Variants in MRE11 observed in about 807,000 individuals in gnomAD.
The protein encoded by MRE11 is double-strand break repair protein MRE11.
A neutral mutation model predicts 91.7 loss-of-function variants in MRE11; 62 were observed. The observed-to-expected ratio is 0.68, with a 90% CI of 0.55 to 0.84. MRE11 has a LOEUF of 0.84. Ranked by LOEUF, MRE11 falls within the 40% of genes least tolerant of loss-of-function variation. The probability of loss-of-function intolerance (pLI) is 0.00; values close to 1 mark genes in which losing one functional copy is unlikely to be tolerated. For synonymous variants in MRE11, 273 were observed against 271.4 expected (o/e 1.01, Z -0.06); for missense variants, 796 against 852.9 (o/e 0.93, Z 0.83).
At position 94,448,609 on chromosome 11, in the gene MRE11, T is replaced by TA. The variant is rs879918005; in HGVS notation, c.1564-1172dup. 6.3e-4 allele frequency among the ~76,000 whole-genome samples: 92 copies of TA among 146,634 alleles called. 1 individual carries two copies. The highest frequency in any genetic ancestry group is 7.0e-3 in the Middle Eastern group (2 of 286). ...CTAGGTGACACAGTGAGACCTTGCCTAAAAAAAAAATGAAAAGAAACGGAA... is the reference window on the plus strand; with the variant it reads ...CTAGGTGACACAGTGAGACCTTGCCTAAAAAAAAAAATGAAAAGAAACGGAA... On this transcript the variant is annotated intron_variant, in intron 14 of 19. Transcript: ENST00000323929.
In MRE11 at chr11:94,438,654, T is replaced by G. The variant is rs547898089; in HGVS notation, c.1868-1419A>C. On this transcript the variant is annotated intron_variant, in intron 16 of 19. Transcript: ENST00000323929. ...GGAAGGCAAAAGATGAGTGATGTTG[T>G]GAAATAATTTTATCAGAAAACTAAG... 7.2e-5 allele frequency among the ~76,000 whole-genome samples: 11 copies of G among 152,340 alleles called. 1 individual carries two copies. The South Asian group carries it at 2.3e-3, about 32-fold the overall frequency.
intron 4 of MRE11, among the ~76,000 whole-genome samples, chr11:94,480,633 T>C (rs1231003923): frequency 6.6e-6 from 1 of 152,254 alleles, no homozygotes; most frequent in East Asian, 1.9e-4. Flanking sequence ...AGTACATGTA[T>C]TTGTAATTTT....
Position 94,492,828 on chromosome 11 carries a change from G to C in MRE11, c.-27C>G. ...TTTATGGTCAGTCAAGCTCCTCTGG[G>C]ACCAGGTTCTTCTCCAAGAACCCCT... is the stretch of plus-strand genomic sequence containing the variant. On this transcript the variant is annotated 5_prime_UTR_variant, in exon 2 of 20. Coordinates refer to ENST00000323929, the MANE Select transcript of MRE11 (RefSeq NM_005591.4). 2 of 1,611,430 alleles carry C rather than the reference G, an allele frequency of 1.2e-6. No homozygotes were observed. The highest frequency in any genetic ancestry group is 1.3e-5 in the African/African-American group (1 of 74,952).
chr11:94,484,414 C>A lies in MRE11; in HGVS notation c.314+1510G>T, dbSNP rs187514240. Among the ~76,000 whole-genome samples the A allele has an allele frequency of 2.6e-5, 4 of 152,268 alleles. No homozygotes were observed. In the East Asian group the frequency reaches 7.7e-4, roughly 29 times the overall value. On this transcript the variant is annotated intron_variant, in intron 4 of 19. Coordinates refer to ENST00000323929, the MANE Select transcript of MRE11 (RefSeq NM_005591.4). ...ATTAATGAACAAATTTAAGGAGGAACAGAAAAGTCGCACAGCCTCAAAATA... is the reference window on the plus strand; with the variant it reads ...ATTAATGAACAAATTTAAGGAGGAAAAGAAAAGTCGCACAGCCTCAAAATA...
the MRE11 span, among the ~76,000 whole-genome samples, chr11:94,508,567 A>G: frequency 6.6e-6 from 1 of 152,142 alleles, no homozygotes; most frequent in East Asian, 1.9e-4. Flanking sequence ...TGACACTTTT[A>G]TCATTTATCT....
chr11:94,448,422 C>CAAA (rs373884127), intron 14 of MRE11, among the ~76,000 whole-genome samples: 1 of 144,360 alleles, frequency 6.9e-6, no homozygotes, highest in African/African-American at 2.5e-5. Flanking sequence ...ACCAAAAATA[C>CAAA]AAAAAAAAAA....
chr11:94,481,991 G>A (rs970080395), intron 4 of MRE11, among the ~76,000 whole-genome samples: 3 of 152,142 alleles, frequency 2.0e-5, no homozygotes, highest in Admixed American at 6.5e-5. Flanking sequence ...GAAAGAGAAA[G>A]GAAACAATAT....
chr11:94,483,134 A>G (rs887603841), intron 4 of MRE11, among the ~76,000 whole-genome samples: 1 of 151,948 alleles, frequency 6.6e-6, no homozygotes, highest in African/African-American at 2.4e-5. Context: ...ATCTCAAAAA[A>G]AAATTTACCT....
chr11:94,428,622 G>C (rs1205560676), intron 19 of MRE11, among the ~76,000 whole-genome samples: 1 of 152,108 alleles, frequency 6.6e-6, no homozygotes, highest in African/African-American at 2.4e-5. Context: ...CCAGCACTTT[G>C]GGAGGCCGAG....
rs952032090 is a variant in MRE11 at position 94,480,665 on chromosome 11, A to G, written c.315-904T>C. On this transcript the variant is annotated intron_variant, in intron 4 of 19. Coordinates refer to ENST00000323929, the MANE Select transcript of MRE11 (RefSeq NM_005591.4). ...TTTTGATAGGTGCTGCCAATTTCCC[A>G]CCATAGAGATTTACACATAATGCAA... is the stretch of plus-strand genomic sequence containing the variant. Among the ~76,000 whole-genome samples the G allele has an allele frequency of 6.6e-5, 10 of 152,320 alleles. No homozygotes were observed. The East Asian group carries it at 1.9e-3, about 29-fold the overall frequency.
rs775626292 is a variant in MRE11, at chr11:94,420,091, G to A, written c.*34C>T. Reference sequence around the variant, plus strand: ...AGCTTGTAACATTTTCATTTTTCCTGTATCTTGCATGTTTCTCAGTGCCAT... The same window carrying A: ...AGCTTGTAACATTTTCATTTTTCCTATATCTTGCATGTTTCTCAGTGCCAT... On this transcript the variant is annotated 3_prime_UTR_variant, in exon 20 of 20. Coordinates refer to ENST00000323929, the MANE Select transcript of MRE11 (RefSeq NM_005591.4). 6.7e-6 allele frequency: 10 copies of A among 1,488,466 alleles called. No individual in the cohort carries two copies. In the East Asian group the frequency reaches 9.1e-5, roughly 14 times the overall value. 92.2% of individuals were successfully genotyped at this position (1,488,466 alleles called of 1,614,324 possible).
chr11:94,501,109 A>G, the MRE11 span, among the ~76,000 whole-genome samples: 1 of 152,248 alleles, frequency 6.6e-6, no homozygotes, highest in Admixed American at 6.5e-5. Flanking sequence ...TCAATATGAA[A>G]TGCTTTCTCT....
intron 14 of MRE11, 105 bp from the exon 15 acceptor site, chr11:94,447,543 A>C: frequency 1.7e-6 from 2 of 1,153,476 alleles, no homozygotes; most frequent in Non-Finnish European, 2.5e-6. Flanking sequence ...TAAAAACATA[A>C]AGGAGGCTGA....
At position 94,463,313 on chromosome 11, in the gene MRE11, G is replaced by A. The variant is rs555054406; in HGVS notation, c.1225+800C>T. Among the ~76,000 whole-genome samples, 182 of 152,192 alleles carry A rather than the reference G, an allele frequency of 1.2e-3. 1 individual carries two copies. Among genetic ancestry groups the A allele is most frequent in the East Asian group, 0.01 (53 of 5,168 alleles). ...CTGGAGAGGATGTGGAGAAATAGGA[G>A]CACTTTTACACTGTTGGTGGGACTG... On this transcript the variant is annotated intron_variant, in intron 11 of 19. Coordinates refer to ENST00000323929, the MANE Select transcript of MRE11 (RefSeq NM_005591.4).
intron 17 of MRE11, 81 bp downstream of exon 17, chr11:94,437,096 C>T: frequency 8.0e-7 from 1 of 1,252,566 alleles, no homozygotes; most frequent in Non-Finnish European, 1.1e-6. Flanking sequence ...CTTTTATTTA[C>T]TTTGTAAATC....
Position 94,445,815 on chromosome 11 carries a change from A to C in MRE11, c.1862T>G (p.Ile621Arg), listed in dbSNP as rs1591652818. ...CACTTGCAGTCTATACTCACCATCT[A>C]TAATAGACATATTTCTAGATGCTGA... ...AVSASRNMSI[I>R]DAFKSTRQQP... is the part of the protein sequence containing the mutation. Residue 621 changes from isoleucine to arginine, a missense_variant, in exon 16 of 20, where the codon ATA (isoleucine) becomes AGA (arginine). Ile to Arg is a moderately conservative substitution (Grantham distance 97). Coordinates refer to ENST00000323929, the MANE Select transcript of MRE11 (RefSeq NM_005591.4). 2 of 1,609,086 alleles carry C rather than the reference A, an allele frequency of 1.2e-6. No homozygotes were observed. Among genetic ancestry groups the C allele is most frequent in the Non-Finnish European group, 1.7e-6 (2 of 1,175,440 alleles).
intron 3 of MRE11, 63 bp from the exon 4 acceptor site, chr11:94,486,147 A>C: frequency 6.7e-7 from 1 of 1,485,130 alleles, no homozygotes; most frequent in Non-Finnish European, 9.2e-7. Flanking sequence ...TGTAAACTAC[A>C]GATGAAAGAG....
intron 15 of MRE11, among the ~76,000 whole-genome samples, chr11:94,446,784 A>T (rs1295200790): frequency 1.3e-5 from 2 of 152,238 alleles, no homozygotes; most frequent in Non-Finnish European, 2.9e-5. Flanking sequence ...CTACTTGATA[A>T]GCATATGTGT....
chr11:94,447,467 C>G, intron 14 of MRE11, 29 bp from the exon 15 acceptor site: 1 of 1,593,080 alleles, frequency 6.3e-7, no homozygotes, highest in Non-Finnish European at 8.6e-7. Context: ...AGAAAGTACA[C>G]ACAATGAGAT....
Sources: allele counts gnomAD v4.1 joint callset (sites outside exome capture counted in the v4.1 genomes callset), GRCh38; gene constraint gnomAD v4.1.1; transcripts MANE v1.5; gene names NCBI Gene and HGNC (gene_info 2026-07-23, HGNC 2026-07-21).